Variants in PPP1R9A observed in about 807,000 individuals in gnomAD.
The protein encoded by PPP1R9A is protein phosphatase 1 regulatory subunit 9A.
In PPP1R9A, 59 loss-of-function variants were observed where a neutral mutation model predicts 141.9. The observed-to-expected ratio is 0.42, with a 90% CI of 0.34 to 0.52. The LOEUF is 0.52. Ranked by LOEUF, PPP1R9A falls within the 20% of genes least tolerant of loss-of-function variation. PPP1R9A has a pLI of 0.10. For synonymous variants in PPP1R9A, 500 were observed against 569.7 expected, an observed-to-expected ratio of 0.88 and a Z score of 1.74; for missense variants, 1,444 against 1,611.9, an observed-to-expected ratio of 0.90 and a Z score of 1.78.
At chr7:95,136,264 C>T (rs1825650525) in intron 4 of PPP1R9A, among the ~76,000 whole-genome samples, 1 of 152,122 alleles carries the variant, frequency 6.6e-6, no homozygotes, top group African/African-American at 2.4e-5. Flanking sequence ...CTTTACACAA[C>T]ATAATAACTT....
chr7:95,033,106 G>T (rs1005004555), intron 2 of PPP1R9A, among the ~76,000 whole-genome samples: 1 of 150,562 alleles, frequency 6.6e-6, no homozygotes, highest in African/African-American at 2.4e-5. Flanking sequence ...CTGGATTCAC[G>T]CCATTCTCTT....
At chr7:95,212,918 C>A (rs1397628409) in intron 7 of PPP1R9A, among the ~76,000 whole-genome samples, 3 of 152,118 alleles carry the variant, frequency 2.0e-5, no homozygotes, top group Non-Finnish European at 4.4e-5. Flanking sequence ...TAGACTAATT[C>A]TGCTGCTTGG....
chr7:95,191,106 G>T (rs1344943401), intron 5 of PPP1R9A, among the ~76,000 whole-genome samples: 2 of 152,112 alleles, frequency 1.3e-5, no homozygotes, highest in Non-Finnish European at 2.9e-5. Flanking sequence ...TGTAAATACA[G>T]TTTAATTGTT....
At chr7:95,182,385 A>T (rs1441898827) in intron 5 of PPP1R9A, among the ~76,000 whole-genome samples, 1 of 152,042 alleles carries the variant, frequency 6.6e-6, no homozygotes. Context: ...TTTTTAATAG[A>T]TATGCACGTT....
chr7:95,196,089 G>GTGTGTA lies in PPP1R9A; in HGVS notation c.1755-2257_1755-2256insGTATGT, dbSNP rs1314157648. Among the ~76,000 whole-genome samples the GTGTGTA allele has an allele frequency of 5.4e-3, 821 of 151,884 alleles. 7 individuals carry two copies. Among genetic ancestry groups the GTGTGTA allele is most frequent in the African/African-American group, 0.019 (774 of 41,404 alleles). ...CACATACGTGTGTGTGTGTGTGTGT[G>GTGTGTA]TGTATGTGTATTTTTGTCTATAAAG... On this transcript the variant is annotated intron_variant, in intron 5 of 19. Transcript: ENST00000433360.
At position 95,291,503 on chromosome 7, in the gene PPP1R9A, G is replaced by C. The variant is rs553774856; in HGVS notation, c.*1200G>C. On this transcript the variant is annotated 3_prime_UTR_variant, in exon 20 of 20. Transcript: ENST00000433360. ...TAAGGCAGTGCATAGGTATACTTTA[G>C]TAGTGGAGGAACTTATACTAATTTT... 6.6e-6 allele frequency: 1 copy of C among 152,312 alleles called. No homozygotes were observed. The highest frequency in any genetic ancestry group is 2.1e-4 in the South Asian group (1 of 4,830). The allele number at this position is 152,312 out of a possible 1,614,324, so 9.4% of individuals were successfully genotyped here.
At chr7:94,917,997 A>G (rs1388825001) in intron 2 of PPP1R9A, among the ~76,000 whole-genome samples, 1 of 152,186 alleles carries the variant, frequency 6.6e-6, no homozygotes, top group African/African-American at 2.4e-5. Context: ...TGTGGGATAA[A>G]TTCTGTATAA....
intron 2 of PPP1R9A, among the ~76,000 whole-genome samples, chr7:95,062,159 A>G (rs866335989): frequency 3.3e-4 from 51 of 152,254 alleles, no homozygotes; most frequent in African/African-American, 9.4e-4. Context: ...AGGAGCATGC[A>G]TTAGGTGGCC....
intron 12 of PPP1R9A, among the ~76,000 whole-genome samples, chr7:95,255,029 C>A (rs1388670725): frequency 6.6e-6 from 1 of 151,790 alleles, no homozygotes; most frequent in African/African-American, 2.4e-5. Context: ...AAATTTTTTT[C>A]CACCAAGAGC....
intron 2 of PPP1R9A, among the ~76,000 whole-genome samples, chr7:94,935,579 C>T (rs1309263845): frequency 6.6e-6 from 1 of 152,176 alleles, no homozygotes; most frequent in Non-Finnish European, 1.5e-5. Context: ...GCTTCTGGAA[C>T]ACAGTTGGAT....
intron 5 of PPP1R9A, among the ~76,000 whole-genome samples, chr7:95,177,293 C>G (rs1005849411): frequency 3.3e-5 from 5 of 152,056 alleles, no homozygotes; most frequent in African/African-American, 1.2e-4. Context: ...AGGAAAGATA[C>G]AGTCTTTTTC....
chr7:94,995,200 T>G (rs1563095185), intron 2 of PPP1R9A, among the ~76,000 whole-genome samples: 1 of 152,176 alleles, frequency 6.6e-6, no homozygotes, highest in African/African-American at 2.4e-5. Flanking sequence ...AGAAATGGCC[T>G]CTCATCCTCA....
At chr7:94,989,039 A>G (rs1323632903) in intron 2 of PPP1R9A, among the ~76,000 whole-genome samples, 1 of 152,130 alleles carries the variant, frequency 6.6e-6, no homozygotes, top group Non-Finnish European at 1.5e-5. Context: ...CTTTTAGTCC[A>G]GTAGCTTTCA....
At position 95,292,858 on chromosome 7, in the gene PPP1R9A, C is replaced by T. The variant is rs1402232741; in HGVS notation, c.*2555C>T. ...CAGATCTTGTGCACATTTTGTTTTC[C>T]TATTATTTCTTTTATTGACTGTAGT... On this transcript the variant is annotated 3_prime_UTR_variant, in exon 20 of 20. Coordinates refer to ENST00000433360, the MANE Select transcript of PPP1R9A (RefSeq NM_001166160.2). The T allele has an allele frequency of 6.6e-6, 1 of 152,078 alleles. No homozygotes were observed. Among genetic ancestry groups the T allele is most frequent in the Non-Finnish European group, 1.5e-5 (1 of 68,018 alleles). The allele number at this position is 152,078 out of a possible 1,614,324, so 9.4% of individuals were successfully genotyped here. A position where few individuals can be genotyped will look rare whatever the true frequency, so the allele number is the denominator to read the frequency against.
At chr7:95,230,191 T>G (rs1487297449) in intron 8 of PPP1R9A, among the ~76,000 whole-genome samples, 3 of 152,184 alleles carry the variant, frequency 2.0e-5, no homozygotes, top group African/African-American at 7.2e-5. Flanking sequence ...ATCTTCCCTC[T>G]GATGTAGTCT....
At chr7:95,283,713 A>C (rs1242357103) in intron 16 of PPP1R9A, among the ~76,000 whole-genome samples, 1 of 152,320 alleles carries the variant, frequency 6.6e-6, no homozygotes, top group East Asian at 1.9e-4. Flanking sequence ...ACCTAATAGC[A>C]GTTCCTAAAA....
intron 3 of PPP1R9A, among the ~76,000 whole-genome samples, chr7:95,112,145 GCAA>G (rs765224197): frequency 5.9e-5 from 9 of 152,006 alleles, no homozygotes; most frequent in Non-Finnish European, 1.3e-4. Context: ...AAAGACATTT[GCAA>G]ATTATGCCTC....
intron 2 of PPP1R9A, among the ~76,000 whole-genome samples, chr7:94,968,708 TCTC>T (rs1798525804): frequency 6.6e-6 from 1 of 152,126 alleles, no homozygotes; most frequent in Non-Finnish European, 1.5e-5. Flanking sequence ...GTTAAGAAGT[TCTC>T]CTGGATAATA....
intron 5 of PPP1R9A, among the ~76,000 whole-genome samples, chr7:95,193,606 G>T (rs919335877): frequency 8.6e-5 from 13 of 151,778 alleles, no homozygotes; most frequent in African/African-American, 2.9e-4. Flanking sequence ...TGGAATTAGG[G>T]ATCTTTTTTT....
Sources: gnomAD v4.1 joint callset for allele counts (sites outside exome capture counted in the v4.1 genomes callset) on GRCh38, gnomAD v4.1.1 for gene constraint, MANE v1.5 for transcripts, NCBI Gene and HGNC (gene_info 2026-07-23, HGNC 2026-07-21) for gene names.